PRKCA: variants seen among roughly 807,000 people sequenced by gnomAD.
PRKCA encodes protein kinase C alpha, also known as protein kinase C alpha type.
In PRKCA, 27 loss-of-function variants were observed where a neutral mutation model predicts 87.0. The ratio of observed to expected loss-of-function variants is 0.31; its 90% confidence interval spans 0.23 to 0.43. The LOEUF (loss-of-function observed/expected upper bound fraction) is 0.43. Ranked by LOEUF, PRKCA falls within the 20% of genes least tolerant of loss-of-function variation. The pLI is 1.00. For synonymous variants in PRKCA, 329 were observed against 311.1 expected (o/e 1.06, Z -0.61); for missense variants, 518 against 852.3 (o/e 0.61, Z 4.88).
chr17:66,312,497 G>A (rs544897770), intron 2 of PRKCA, among the ~76,000 whole-genome samples: 2 of 152,214 alleles, frequency 1.3e-5, no homozygotes, highest in African/African-American at 4.8e-5. Context: ...CAAGACATTG[G>A]AAGACTCTTA....
chr17:66,531,011 G>A (rs981869131), intron 3 of PRKCA, among the ~76,000 whole-genome samples: 1 of 152,190 alleles, frequency 6.6e-6, no homozygotes, highest in African/African-American at 2.4e-5. Flanking sequence ...CCCACGTTGT[G>A]TCTTCCTGAC....
At chr17:66,333,069 T>C (rs1057009249) in intron 2 of PRKCA, among the ~76,000 whole-genome samples, 1 of 152,218 alleles carries the variant, frequency 6.6e-6, no homozygotes, top group African/African-American at 2.4e-5. Flanking sequence ...GTTCTTTGTT[T>C]AAATAAAATT....
At chr17:66,343,594 T>C (rs1362968171) in intron 2 of PRKCA, among the ~76,000 whole-genome samples, 1 of 152,044 alleles carries the variant, frequency 6.6e-6, no homozygotes, top group Non-Finnish European at 1.5e-5. Flanking sequence ...ACCAGTTGGG[T>C]ACTGCTGAAC....
intron 5 of PRKCA, among the ~76,000 whole-genome samples, chr17:66,667,007 C>G (rs936912897): frequency 6.6e-6 from 1 of 152,178 alleles, no homozygotes; most frequent in African/African-American, 2.4e-5. Flanking sequence ...TAGAAAGAAT[C>G]TTAGAGATTT....
At chr17:66,552,471 G>A (rs1482377236) in intron 3 of PRKCA, among the ~76,000 whole-genome samples, 1 of 152,218 alleles carries the variant, frequency 6.6e-6, no homozygotes, top group African/African-American at 2.4e-5. Flanking sequence ...CTAATCATCT[G>A]AGGCTCGACT....
intron 5 of PRKCA, among the ~76,000 whole-genome samples, chr17:66,672,035 G>T (rs371726047): frequency 6.6e-6 from 1 of 152,098 alleles, no homozygotes. Context: ...ATATAAGAAA[G>T]AAACAAAATA....
chr17:66,372,048 T>C (rs867859965), intron 2 of PRKCA, among the ~76,000 whole-genome samples: 1 of 152,220 alleles, frequency 6.6e-6, no homozygotes, highest in Non-Finnish European at 1.5e-5. Flanking sequence ...TTGCATGGGA[T>C]GTTTGTAATT....
intron 5 of PRKCA, among the ~76,000 whole-genome samples, chr17:66,656,512 A>AT (rs1971737035): frequency 7.8e-6 from 1 of 128,784 alleles, no homozygotes; most frequent in Non-Finnish European, 1.6e-5. Flanking sequence ...ATTGCTGTGA[A>AT]ATTATTGCAA....
At chr17:66,486,247 G>C (rs374973303) in intron 2 of PRKCA, among the ~76,000 whole-genome samples, 1 of 152,108 alleles carries the variant, frequency 6.6e-6, no homozygotes, top group South Asian at 2.1e-4. Flanking sequence ...AATGCTACAG[G>C]TACTCAAGAT....
intron 2 of PRKCA, among the ~76,000 whole-genome samples, chr17:66,466,738 T>G (rs761766700): frequency 6.6e-6 from 1 of 152,158 alleles, no homozygotes; most frequent in Non-Finnish European, 1.5e-5. Context: ...AAAATTGACT[T>G]TATTTCTAAA....
At chr17:66,748,225 C>T (rs1188014244) in intron 13 of PRKCA, among the ~76,000 whole-genome samples, 4 of 152,210 alleles carry the variant, frequency 2.6e-5, no homozygotes, top group Admixed American at 6.5e-5. Context: ...ACAGCTTCTG[C>T]GTTCCCGCCC....
At chr17:66,672,679 A>G (rs1406077750) in intron 5 of PRKCA, among the ~76,000 whole-genome samples, 1 of 152,222 alleles carries the variant, frequency 6.6e-6, no homozygotes, top group African/African-American at 2.4e-5. Context: ...TGTTATTTGT[A>G]AAGGTGAAAA....
At chr17:66,551,866 C>T (rs1461183763) in intron 3 of PRKCA, among the ~76,000 whole-genome samples, 1 of 152,068 alleles carries the variant, frequency 6.6e-6, no homozygotes, top group Non-Finnish European at 1.5e-5. Flanking sequence ...ATGCATAGAT[C>T]TGAAGTGCAT....
chr17:66,364,580 A>G (rs957908886), intron 2 of PRKCA, among the ~76,000 whole-genome samples: 3 of 152,180 alleles, frequency 2.0e-5, no homozygotes, highest in African/African-American at 7.2e-5. Context: ...TGCCAGCTCT[A>G]CCAGAAAAAG....
intron 2 of PRKCA, among the ~76,000 whole-genome samples, chr17:66,376,154 C>T (rs1292049729): frequency 2.6e-5 from 4 of 152,100 alleles, no homozygotes; most frequent in South Asian, 2.1e-4. Flanking sequence ...CTGCTGAAGC[C>T]GGCTGCATCA....
chr17:66,534,865 T>C (rs77195425), intron 3 of PRKCA, among the ~76,000 whole-genome samples: 5,329 of 152,274 alleles, frequency 0.035, 126 homozygotes, highest in Non-Finnish European at 0.05. Flanking sequence ...TTAGGCTGTC[T>C]AGTGTCATAT....
At chr17:66,713,067 T>TTTTTTG (rs1403247186) in intron 8 of PRKCA, among the ~76,000 whole-genome samples, 2,273 of 145,606 alleles carry the variant, frequency 0.016, 38 homozygotes, top group Non-Finnish European at 0.026. Flanking sequence ...TTTTTTTTTT[T>TTTTTTG]TTGAGATGGA....
intron 4 of PRKCA, among the ~76,000 whole-genome samples, chr17:66,643,275 G>A (rs1168775754): frequency 3.3e-5 from 5 of 152,158 alleles, no homozygotes; most frequent in Non-Finnish European, 4.4e-5. Context: ...GCTGGGATGG[G>A]GAAGCATGCC....
Position 66,803,714 on chromosome 17 carries a change from C to G in PRKCA, c.1855-159C>G, listed in dbSNP as rs566967614. On this transcript the variant is annotated intron_variant, in intron 16 of 16. Coordinates refer to ENST00000413366, the MANE Select transcript of PRKCA (RefSeq NM_002737.3). The surrounding 1 kb of genome is among the most constrained non-coding windows in gnomAD (Gnocchi z 4.4). ...ACTCGTTGTTGTCTGCTGTGCCTGG[C>G]TTTTCAATCCAATAGGCCTGCAAGT... Among the ~76,000 whole-genome samples, 1 of 152,306 alleles carries G rather than the reference C, an allele frequency of 6.6e-6. No individual in the cohort carries two copies. Among genetic ancestry groups the G allele is most frequent in the South Asian group, 2.1e-4 (1 of 4,826 alleles).
Sources: allele counts gnomAD v4.1 joint callset (sites outside exome capture counted in the v4.1 genomes callset), GRCh38; gene constraint gnomAD v4.1.1; non-coding constraint Gnocchi (gnomAD v3.1); transcripts MANE v1.5; gene names NCBI Gene and HGNC (gene_info 2026-07-23, HGNC 2026-07-21).